The following PLD1 variants were observed in gnomAD, a reference collection of about 807,000 sequenced individuals.
The protein encoded by PLD1 is choline phosphatase 1.
PLD1 carries 112 observed loss-of-function variants against 137.1 expected under a neutral mutation model. That is an observed-to-expected ratio of 0.82 (90% confidence interval 0.70 to 0.96). The LOEUF is 0.96. Ranked by LOEUF, PLD1 falls within the 40% of genes least tolerant of loss-of-function variation. The probability of loss-of-function intolerance (pLI) is 0.00; values close to 1 mark genes in which losing one functional copy is unlikely to be tolerated. For synonymous variants in PLD1, 431 were observed against 454.7 expected (o/e 0.95, Z 0.66); for missense variants, 1,321 against 1,342.0 (o/e 0.98, Z 0.24).
At chr3:171,643,554 T>A (rs947473711) in intron 22 of PLD1, among the ~76,000 whole-genome samples, 6 of 152,110 alleles carry the variant, frequency 3.9e-5, no homozygotes, top group Non-Finnish European at 5.9e-5. Context: ...TGTTTTTGCA[T>A]AATAAAAGGT....
intron 24 of PLD1, among the ~76,000 whole-genome samples, chr3:171,615,070 A>C (rs1410945048): frequency 6.6e-6 from 1 of 152,236 alleles, no homozygotes; most frequent in African/African-American, 2.4e-5. Flanking sequence ...TAGATGAATG[A>C]ATAAATTAGA....
rs577724155 is a variant in PLD1, at chr3:171,744,632, T to C, written c.-31-6550A>G. ...CTTTGGACTCACTGTGCCCACAGAA[T>C]AGAAGTTGAACTCACGTTCTCTTTT... On this transcript the variant is annotated intron_variant, in intron 1 of 26. Transcript: ENST00000351298. Among the ~76,000 whole-genome samples, 79 of 152,344 alleles carry C rather than the reference T, an allele frequency of 5.2e-4. 1 individual carries two copies. Among genetic ancestry groups the C allele is most frequent in the African/African-American group, 1.8e-3 (73 of 41,592 alleles).
At chr3:171,651,324 GT>G (rs1485464114) in intron 21 of PLD1, among the ~76,000 whole-genome samples, 17 of 35,750 alleles carry the variant, frequency 4.8e-4, no homozygotes, top group South Asian at 2.1e-3. Context: ...AGGGCTTAGG[GT>G]GTGTGTGTGT....
intron 24 of PLD1, among the ~76,000 whole-genome samples, chr3:171,614,066 G>A (rs1393367414): frequency 6.6e-6 from 1 of 152,162 alleles, no homozygotes; most frequent in African/African-American, 2.4e-5. Flanking sequence ...AATGAGAAAA[G>A]CTGCCCTTTC....
intron 1 of PLD1, among the ~76,000 whole-genome samples, chr3:171,770,952 G>A (rs1477799457): frequency 1.3e-5 from 2 of 149,516 alleles, no homozygotes; most frequent in Middle Eastern, 3.5e-3. Context: ...CAAGACCTCT[G>A]GACTGCAAAT....
intron 23 of PLD1, among the ~76,000 whole-genome samples, chr3:171,631,869 A>T (rs1734696255): frequency 1.3e-5 from 2 of 152,342 alleles, no homozygotes; most frequent in South Asian, 4.1e-4. Flanking sequence ...GAAAAAAATG[A>T]TGGAATCACA....
chr3:171,724,720 C>T lies in PLD1; in HGVS notation c.734G>A (p.Arg245Lys). The T allele has an allele frequency of 6.2e-7, 1 of 1,608,876 alleles. No homozygotes were observed. Among genetic ancestry groups the T allele is most frequent in the East Asian group, 2.2e-5 (1 of 44,858 alleles). The change falls in exon 8 of 27, where the codon AGA becomes AAA. Residue 245 changes from arginine to lysine, a missense_variant. Physicochemically the swap from Arg to Lys is conservative, Grantham distance 26 (BLOSUM62 2). Coordinates refer to ENST00000351298, the MANE Select transcript of PLD1 (RefSeq NM_002662.5). ...IPGLNCCGQG[R>K]ACYRWSKRWL... is the part of the protein sequence containing the mutation. ...CCTTTTTGACCATCTGTAGCAGGCT[C>T]TTCCCTGACCACAGCAATTCAAGCC...
At position 171,706,115 on chromosome 3, in the gene PLD1, G is replaced by GGTCA. The variant is rs10576803; in HGVS notation, c.1145+2636_1145+2639dup. The stretch of plus-strand genomic sequence containing the variant: ...ACATTATACACCCAAACCAACACCG[G>GGTCA]GTCAGTCAGTCTATCTATCTATCTA... On this transcript the variant is annotated intron_variant, in intron 11 of 26. Transcript: ENST00000351298. Among the ~76,000 whole-genome samples, 3 of 140,584 alleles carry GGTCA rather than the reference G, an allele frequency of 2.1e-5. No individual in the cohort carries two copies. In the Admixed American group the frequency reaches 2.2e-4, roughly 10 times the overall value. The allele number at this position is 140,584 out of a possible 152,430, so 92.2% of individuals were successfully genotyped here.
At chr3:171,727,561 A>G (rs1357543274) in intron 6 of PLD1, among the ~76,000 whole-genome samples, 1 of 152,204 alleles carries the variant, frequency 6.6e-6, no homozygotes, top group African/African-American at 2.4e-5. Flanking sequence ...AACAAAGACT[A>G]AAAAGATACT....
Position 171,699,835 on chromosome 3 carries a change from A to G in PLD1, c.1146-9T>C. 3 of 1,608,278 alleles carry G rather than the reference A, an allele frequency of 1.9e-6. No individual in the cohort carries two copies. Among genetic ancestry groups the G allele is most frequent in the Non-Finnish European group, 2.6e-6 (3 of 1,175,310 alleles). ...AGATTTCTGGACTCAGCCTGAAACA[A>G]TGAAACCAAGATTTTAAGTAACTAA... is the stretch of plus-strand genomic sequence containing the variant. On this transcript the variant is annotated splice_polypyrimidine_tract_variant and intron_variant, in intron 11 of 26. Transcript: ENST00000351298.
At chr3:171,792,949 AAC>A (rs1259706231) in intron 1 of PLD1, 1 of 313,400 alleles carries the variant, frequency 3.2e-6, no homozygotes, top group Non-Finnish European at 6.3e-6. Flanking sequence ...GGGCTCTCAA[AAC>A]ACATGTGAGA....
chr3:171,761,975 A>C (rs556479544), intron 1 of PLD1, among the ~76,000 whole-genome samples: 155 of 152,214 alleles, frequency 1.0e-3, no homozygotes, highest in Non-Finnish European at 1.9e-3. Flanking sequence ...ACAGAAACGT[A>C]ACTTTGGACT....
chr3:171,652,878 G>A (rs1271319763), intron 21 of PLD1, among the ~76,000 whole-genome samples: 1 of 142,218 alleles, frequency 7.0e-6, no homozygotes, highest in Admixed American at 7.7e-5. Flanking sequence ...GCCTCCCAAA[G>A]TGCTAGAATC....
intron 23 of PLD1, among the ~76,000 whole-genome samples, chr3:171,638,929 G>C (rs1376628472): frequency 6.6e-6 from 1 of 152,054 alleles, no homozygotes; most frequent in East Asian, 1.9e-4. Flanking sequence ...AAGAATTCAT[G>C]CCTTTTGATT....
chr3:171,668,400 T>C (rs1246545226), intron 19 of PLD1, among the ~76,000 whole-genome samples: 2 of 152,262 alleles, frequency 1.3e-5, no homozygotes, highest in Admixed American at 1.3e-4. Flanking sequence ...CATTCTGGGA[T>C]ACAAAACATT....
rs375460094 is a variant in PLD1 at position 171,709,538 on chromosome 3, G to A, written c.1061+22C>T. ...TTAGATGCTATGACTGCCTTGACAG[G>A]CTTAGAGAAATAATAACTTACCATT... On this transcript the variant is annotated intron_variant, in intron 10 of 26. Coordinates refer to ENST00000351298, the MANE Select transcript of PLD1 (RefSeq NM_002662.5). 6.2e-6 allele frequency: 10 copies of A among 1,609,602 alleles called. No homozygotes were observed. In the East Asian group the frequency reaches 1.1e-4, roughly 18 times the overall value.
intron 25 of PLD1, among the ~76,000 whole-genome samples, chr3:171,606,359 G>A (rs2108255140): frequency 6.6e-6 from 1 of 152,342 alleles, no homozygotes; most frequent in Non-Finnish European, 1.5e-5. Context: ...TGGCAGTGCT[G>A]AGTAGGCAGT....
intron 12 of PLD1, among the ~76,000 whole-genome samples, chr3:171,697,498 A>G (rs558739748): frequency 2.6e-5 from 4 of 151,852 alleles, no homozygotes; most frequent in Non-Finnish European, 5.9e-5. Context: ...TGCCCCGCAC[A>G]GTACTGCCCC....
intron 17 of PLD1, among the ~76,000 whole-genome samples, chr3:171,677,111 C>T (rs1713455123): frequency 6.6e-6 from 1 of 152,182 alleles, no homozygotes; most frequent in South Asian, 2.1e-4. Context: ...TTATCTAAGG[C>T]TGTGTATTTG....
Sources: gnomAD v4.1 joint callset for allele counts (sites outside exome capture counted in the v4.1 genomes callset) on GRCh38, gnomAD v4.1.1 for gene constraint, MANE v1.5 for transcripts, NCBI Gene and HGNC (gene_info 2026-07-23, HGNC 2026-07-21) for gene names.